Variants in TBC1D16 observed in about 807,000 individuals in gnomAD.
TBC1D16 encodes the protein CTD-2529O21.1.
A neutral mutation model predicts 74.7 loss-of-function variants in TBC1D16; 58 were observed. The observed-to-expected ratio is 0.78, with a 90% CI of 0.63 to 0.97. TBC1D16 has a LOEUF of 0.97. TBC1D16 is among the 50% of genes least tolerant of loss of function. The pLI is 0.00. For synonymous variants in TBC1D16, 493 were observed against 474.7 expected (o/e 1.04, Z -0.50); for missense variants, 1,014 against 1,079.5 (o/e 0.94, Z 0.85).
intron 3 of TBC1D16, among the ~76,000 whole-genome samples, chr17:79,977,931 G>A (rs943712543): frequency 1.3e-5 from 2 of 152,220 alleles, no homozygotes; most frequent in African/African-American, 4.8e-5. Context: ...TTCTGCTGCC[G>A]GGGTGGGACC....
intron 3 of TBC1D16, among the ~76,000 whole-genome samples, chr17:79,972,351 AT>A (rs1318732660): frequency 2.0e-5 from 3 of 151,894 alleles, no homozygotes; most frequent in Non-Finnish European, 4.4e-5. Context: ...TAATTTTTGT[AT>A]TTTTAGTAGA....
At chr17:79,976,100 G>C (rs2034319362) in intron 3 of TBC1D16, among the ~76,000 whole-genome samples, 2 of 152,198 alleles carry the variant, frequency 1.3e-5, no homozygotes, top group African/African-American at 4.8e-5. Flanking sequence ...ACTAACCCTT[G>C]TCTAGGCAAA....
At chr17:79,949,680 G>T (rs778602160) in intron 7 of TBC1D16, 37 bp downstream of exon 7, 1 of 1,582,706 alleles carries the variant, frequency 6.3e-7, no homozygotes, top group East Asian at 2.3e-5. Flanking sequence ...TTCCTCCGCG[G>T]CTCGGCGGGG....
chr17:79,968,842 CAAAAAAAA>C (rs34365366), intron 3 of TBC1D16, among the ~76,000 whole-genome samples: 8 of 55,392 alleles, frequency 1.4e-4, no homozygotes, highest in Non-Finnish European at 2.4e-4. Context: ...GATGCCGTCT[CAAAAAAAA>C]AAAAAAAAAA....
chr17:79,968,246 A>C (rs1410682184), intron 3 of TBC1D16, among the ~76,000 whole-genome samples: 2 of 152,216 alleles, frequency 1.3e-5, no homozygotes, highest in East Asian at 3.8e-4. Context: ...TGCCTGCTTC[A>C]GCCTCCCAAA....
Position 79,936,252 on chromosome 17 carries a change from C to T in TBC1D16, c.*4607G>A, listed in dbSNP as rs893087020. ...GAAGAGTCACAGAGAGGCTCGCCCT[C>T]GGCGGAGGACACACAGCTGGGTGGG... On this transcript the variant is annotated 3_prime_UTR_variant, in exon 12 of 12. Coordinates refer to ENST00000310924, the MANE Select transcript of TBC1D16 (RefSeq NM_019020.4). 6.6e-5 allele frequency: 10 copies of T among 152,236 alleles called. No individual in the cohort carries two copies. Among genetic ancestry groups the T allele is most frequent in the African/African-American group, 2.4e-4 (10 of 41,446 alleles). 9.4% of individuals were successfully genotyped at this position (152,236 alleles called of 1,614,324 possible).
intron 1 of TBC1D16, among the ~76,000 whole-genome samples, chr17:80,031,508 A>G (rs937339181): frequency 6.6e-6 from 1 of 151,940 alleles, no homozygotes; most frequent in African/African-American, 2.4e-5. Context: ...CCATCACCAA[A>G]ACGGTGGTGA....
rs527240085 is a variant in TBC1D16, at chr17:79,974,358, C to T, written c.780-21540G>A. ...GGTTCAAGCGATTCTCCTGCCTCAG[C>T]CTCCCAAGTAGCTGGGATTACAGAC... is the stretch of plus-strand genomic sequence containing the variant. On this transcript the variant is annotated intron_variant, in intron 3 of 11. Transcript: ENST00000310924. Among the ~76,000 whole-genome samples, 53 of 152,312 alleles carry T rather than the reference C, an allele frequency of 3.5e-4. 1 individual carries two copies. Among genetic ancestry groups the T allele is most frequent in the Middle Eastern group, 3.4e-3 (1 of 294 alleles).
intron 3 of TBC1D16, among the ~76,000 whole-genome samples, chr17:80,004,061 C>T (rs959722045): frequency 1.4e-4 from 22 of 152,152 alleles, no homozygotes; most frequent in African/African-American, 5.3e-4. Flanking sequence ...TCTCTAAAAA[C>T]GAAACTTAAA....
At chr17:80,013,105 G>A (rs967249811) in intron 2 of TBC1D16, among the ~76,000 whole-genome samples, 4 of 152,242 alleles carry the variant, frequency 2.6e-5, no homozygotes, top group African/African-American at 9.6e-5. Context: ...ATGACAAGGG[G>A]CCAGGCAGGC....
chr17:80,024,518 G>A (rs62635837), intron 1 of TBC1D16, among the ~76,000 whole-genome samples: 124,030 of 127,158 alleles, frequency 0.98, 60,551 homozygotes, highest in Middle Eastern at 0.99. Context: ...GACAAACCAC[G>A]CACACCATGC....
Position 79,950,293 on chromosome 17 carries a change from C to T in TBC1D16, c.1257+118G>A. Reference sequence around the variant, plus strand: ...CTCACACAAGAAAACGGGGCCCTCACGAGGAGGTGGCCCGTGGGTGCGGGC... The same window carrying T: ...CTCACACAAGAAAACGGGGCCCTCATGAGGAGGTGGCCCGTGGGTGCGGGC... On this transcript the variant is annotated intron_variant, in intron 6 of 11. Coordinates refer to ENST00000310924, the MANE Select transcript of TBC1D16 (RefSeq NM_019020.4). This position sits in a 1 kb window ranked among gnomAD's most constrained non-coding sequence, Gnocchi z 4.6. The T allele has an allele frequency of 8.4e-7, 1 of 1,185,470 alleles. No homozygotes were observed. The highest frequency in any genetic ancestry group is 1.1e-6 in the Non-Finnish European group (1 of 873,156). The allele number at this position is 1,185,470 out of a possible 1,614,324, so 73.4% of individuals were successfully genotyped here. A position where few individuals can be genotyped will look rare whatever the true frequency, so the allele number is the denominator to read the frequency against.
At chr17:80,015,259 G>A (rs1045542380) in intron 1 of TBC1D16, among the ~76,000 whole-genome samples, 12 of 151,986 alleles carry the variant, frequency 7.9e-5, no homozygotes, top group South Asian at 2.1e-4. Context: ...GCAAAACCCC[G>A]TCTTGACTAA....
At position 79,994,118 on chromosome 17, in the gene TBC1D16, A is replaced by G. The variant is rs993383353; in HGVS notation, c.779+16042T>C. ...TCCTCCCTGTCCTGACAGTTTTACT[A>G]GAAAGGTCAGCTTTTTAAAGAGCTG... On this transcript the variant is annotated intron_variant, in intron 3 of 11. Transcript: ENST00000310924. This position sits in a 1 kb window ranked among gnomAD's most constrained non-coding sequence, Gnocchi z 4.6. 6.6e-6 allele frequency among the ~76,000 whole-genome samples: 1 copy of G among 151,954 alleles called. No individual in the cohort carries two copies. Among genetic ancestry groups the G allele is most frequent in the Non-Finnish European group, 1.5e-5 (1 of 68,022 alleles).
In TBC1D16 at chr17:80,009,229, C is replaced by T. The variant is rs1382787866; in HGVS notation, c.779+931G>A. ...TGACCTGCTCGCTGACTGATGTCGG[C>T]TCTTACTGTTGTCTGTGGTCACCAC... On this transcript the variant is annotated intron_variant, in intron 3 of 11. Transcript: ENST00000310924. This position sits in a 1 kb window ranked among gnomAD's most constrained non-coding sequence, Gnocchi z 5.4. Among the ~76,000 whole-genome samples, 1 of 152,248 alleles carries T rather than the reference C, an allele frequency of 6.6e-6. No individual in the cohort carries two copies. The highest frequency in any genetic ancestry group is 1.5e-5 in the Non-Finnish European group (1 of 68,044).
intron 8 of TBC1D16, among the ~76,000 whole-genome samples, chr17:79,948,352 G>C (rs2032742135): frequency 6.6e-6 from 1 of 151,556 alleles, no homozygotes; most frequent in Non-Finnish European, 1.5e-5. Flanking sequence ...ATTAGCTGCT[G>C]TCTAGGCCCA....
chr17:80,000,105 C>T lies in TBC1D16; in HGVS notation c.779+10055G>A, dbSNP rs1196481288. On this transcript the variant is annotated intron_variant, in intron 3 of 11. Transcript: ENST00000310924. The surrounding 1 kb of genome is among the most constrained non-coding windows in gnomAD (Gnocchi z 4.1). ...GCTCAGCCATCACTTGTGCTGAAGG[C>T]TTGAGCTCTGCGTCACCCTTTCCTA... 1.3e-5 allele frequency among the ~76,000 whole-genome samples: 2 copies of T among 152,186 alleles called. No homozygotes were observed. The highest frequency in any genetic ancestry group is 4.8e-5 in the African/African-American group (2 of 41,436).
chr17:79,993,528 T>A lies in TBC1D16; in HGVS notation c.779+16632A>T, dbSNP rs1206958626. 6.6e-6 allele frequency: 1 copy of A among 152,184 alleles called. No individual in the cohort carries two copies. The highest frequency in any genetic ancestry group is 1.5e-5 in the Non-Finnish European group (1 of 68,050). 9.4% of individuals were successfully genotyped at this position (152,184 alleles called of 1,614,324 possible). A position where few individuals can be genotyped will look rare whatever the true frequency, so the allele number is the denominator to read the frequency against. The stretch of plus-strand genomic sequence containing the variant: ...TCTGTTTACTCTGCTGGGAAGGATA[T>A]GAAGCCAAACAGAACCAGCTACGGG... On this transcript the variant is annotated intron_variant, in intron 3 of 11. Transcript: ENST00000310924. The surrounding 1 kb of genome is among the most constrained non-coding windows in gnomAD (Gnocchi z 5.1).
In TBC1D16 at chr17:79,993,364, T is replaced by C. The variant is rs2035146868; in HGVS notation, c.779+16796A>G. On this transcript the variant is annotated intron_variant, in intron 3 of 11. Coordinates refer to ENST00000310924, the MANE Select transcript of TBC1D16 (RefSeq NM_019020.4). The surrounding 1 kb of genome is among the most constrained non-coding windows in gnomAD (Gnocchi z 5.1). Reference sequence around the variant, plus strand: ...GTTCTTGATGGTCAGGGAACCTTACTTTCAGGTCCCCAAAGCAGATTCCCT... The same window carrying C: ...GTTCTTGATGGTCAGGGAACCTTACCTTCAGGTCCCCAAAGCAGATTCCCT... 6.6e-6 allele frequency among the ~76,000 whole-genome samples: 1 copy of C among 152,210 alleles called. No individual in the cohort carries two copies. Among genetic ancestry groups the C allele is most frequent in the Non-Finnish European group, 1.5e-5 (1 of 68,038 alleles).
Sources: allele counts gnomAD v4.1 joint callset (sites outside exome capture counted in the v4.1 genomes callset), GRCh38; gene constraint gnomAD v4.1.1; non-coding constraint Gnocchi (gnomAD v3.1); transcripts MANE v1.5; gene names NCBI Gene and HGNC (gene_info 2026-07-23, HGNC 2026-07-21).